EEF1AKMT1: variants seen among roughly 807,000 people sequenced by gnomAD.
EEF1AKMT1 encodes N-6 adenine-specific DNA methyltransferase 2 (putative).
Under a neutral mutation model 21.0 loss-of-function variants are expected in EEF1AKMT1, and 18 were observed. That is an observed-to-expected ratio of 0.86 (90% CI 0.59 to 1.27). The LOEUF is 1.27. EEF1AKMT1 is among the 50% of genes most tolerant of loss of function. The pLI is 0.00. For missense variants in EEF1AKMT1, 246 were observed against 258.6 expected, an observed-to-expected ratio of 0.95 and a Z score of 0.33; for synonymous variants, 109 against 94.8, an observed-to-expected ratio of 1.15 and a Z score of -0.87.
intron 2 of EEF1AKMT1, among the ~76,000 whole-genome samples, chr13:20,753,971 T>C (rs933526965): frequency 2.0e-5 from 3 of 152,190 alleles, no homozygotes; most frequent in Admixed American, 6.5e-5. Flanking sequence ...ATTCTATTAA[T>C]TTATTTCTGG....
At chr13:20,765,214 C>A (rs2059022234) in intron 1 of EEF1AKMT1, among the ~76,000 whole-genome samples, 1 of 151,804 alleles carries the variant, frequency 6.6e-6, no homozygotes, top group African/African-American at 2.4e-5. Flanking sequence ...TGAGCGAGAT[C>A]GTGCCACTGC....
intron 2 of EEF1AKMT1, among the ~76,000 whole-genome samples, chr13:20,738,862 T>C (rs2058846045): frequency 6.6e-6 from 1 of 152,120 alleles, no homozygotes; most frequent in Non-Finnish European, 1.5e-5. Context: ...AAACATATGG[T>C]TTCTTTTAGA....
chr13:20,731,280 C>A (rs1018692099), intron 4 of EEF1AKMT1, among the ~76,000 whole-genome samples: 1 of 152,206 alleles, frequency 6.6e-6, no homozygotes, highest in Non-Finnish European at 1.5e-5. Context: ...CTCAGATTTA[C>A]TCTATTGAAT....
intron 3 of EEF1AKMT1, among the ~76,000 whole-genome samples, chr13:20,732,776 T>C (rs1186011515): frequency 1.3e-5 from 2 of 152,248 alleles, no homozygotes; most frequent in Non-Finnish European, 2.9e-5. Flanking sequence ...GCCTTTGATA[T>C]TTATTTTAAA....
chr13:20,746,704 T>C (rs1371348532), intron 2 of EEF1AKMT1, among the ~76,000 whole-genome samples: 1 of 152,198 alleles, frequency 6.6e-6, no homozygotes, highest in Non-Finnish European at 1.5e-5. Context: ...TCTCCTCATA[T>C]CATTCCATAA....
At chr13:20,765,247 A>ATG (rs1595030888) in intron 1 of EEF1AKMT1, among the ~76,000 whole-genome samples, 1 of 151,556 alleles carries the variant, frequency 6.6e-6, no homozygotes, top group Non-Finnish European at 1.5e-5. Flanking sequence ...GCAACAGTGC[A>ATG]AGACTCCAAC....
intron 4 of EEF1AKMT1, among the ~76,000 whole-genome samples, chr13:20,730,432 C>A (rs2058786224): frequency 6.6e-6 from 1 of 152,190 alleles, no homozygotes; most frequent in Non-Finnish European, 1.5e-5. Context: ...GCGTCCACAA[C>A]AGCACTCAAG....
At chr13:20,752,918 T>A (rs1188255522) in intron 2 of EEF1AKMT1, among the ~76,000 whole-genome samples, 8 of 152,138 alleles carry the variant, frequency 5.3e-5, no homozygotes, top group Non-Finnish European at 1.0e-4. Context: ...CATTGAATAT[T>A]TTTTATTCTG....
At chr13:20,730,820 C>T (rs2058788918) in intron 4 of EEF1AKMT1, among the ~76,000 whole-genome samples, 1 of 152,134 alleles carries the variant, frequency 6.6e-6, no homozygotes, top group Non-Finnish European at 1.5e-5. Flanking sequence ...AAAAGCTGGC[C>T]ACCCCGCAGC....
At chr13:20,738,676 T>C (rs368970575) in intron 2 of EEF1AKMT1, among the ~76,000 whole-genome samples, 8 of 152,216 alleles carry the variant, frequency 5.3e-5, no homozygotes, top group African/African-American at 9.6e-5. Flanking sequence ...TACTGATATA[T>C]GCTACATGGA....
chr13:20,770,277 T>C (rs1168408930), intron 1 of EEF1AKMT1, among the ~76,000 whole-genome samples: 2 of 149,518 alleles, frequency 1.3e-5, no homozygotes, highest in East Asian at 3.9e-4. Context: ...AGGCAGAAAG[T>C]AGAATTGTGG....
intron 1 of EEF1AKMT1, among the ~76,000 whole-genome samples, chr13:20,759,962 G>A (rs1318768869): frequency 6.6e-6 from 1 of 151,220 alleles, no homozygotes; most frequent in Non-Finnish European, 1.5e-5. Context: ...AAAATTAGCC[G>A]GGTGTGGTGG....
intron 1 of EEF1AKMT1, among the ~76,000 whole-genome samples, chr13:20,761,277 A>C (rs560727617): frequency 6.6e-6 from 1 of 152,318 alleles, no homozygotes; most frequent in Admixed American, 6.5e-5. Flanking sequence ...ACCCCTGGAA[A>C]GCATTTGTTC....
At chr13:20,739,190 T>G (rs531147892) in intron 2 of EEF1AKMT1, among the ~76,000 whole-genome samples, 62 of 152,162 alleles carry the variant, frequency 4.1e-4, no homozygotes, top group Non-Finnish European at 1.6e-4. Flanking sequence ...TCCCAGTGGG[T>G]TGGTAACTTC....
intron 2 of EEF1AKMT1, among the ~76,000 whole-genome samples, chr13:20,752,152 C>T (rs563441755): frequency 1.3e-5 from 2 of 151,940 alleles, no homozygotes; most frequent in African/African-American, 2.4e-5. Flanking sequence ...TTTTGTTGCC[C>T]GATTGTCCTA....
At chr13:20,730,959 A>G (rs543099171) in intron 4 of EEF1AKMT1, among the ~76,000 whole-genome samples, 1 of 152,324 alleles carries the variant, frequency 6.6e-6, no homozygotes, top group African/African-American at 2.4e-5. Context: ...ACATACCGCA[A>G]GGGTCTGCCG....
At chr13:20,743,747 T>C (rs1015858757) in intron 2 of EEF1AKMT1, among the ~76,000 whole-genome samples, 1 of 151,498 alleles carries the variant, frequency 6.6e-6, no homozygotes, top group Non-Finnish European at 1.5e-5. Context: ...TAGGTATACA[T>C]ATGCCATGGT....
intron 2 of EEF1AKMT1, among the ~76,000 whole-genome samples, chr13:20,752,755 G>C (rs937768428): frequency 5.9e-5 from 9 of 152,072 alleles, no homozygotes; most frequent in African/African-American, 1.9e-4. Flanking sequence ...GTAGAATTCA[G>C]CAGTAAAGTC....
chr13:20,748,719 T>TTC (rs1458652141), intron 2 of EEF1AKMT1, among the ~76,000 whole-genome samples: 1 of 90,652 alleles, frequency 1.1e-5, no homozygotes, highest in Non-Finnish European at 2.3e-5. Flanking sequence ...ATAGTTGTTT[T>TTC]TTTTTGGTTT....
Sources: gnomAD v4.1 joint callset for allele counts (sites outside exome capture counted in the v4.1 genomes callset) on GRCh38, gnomAD v4.1.1 for gene constraint, MANE v1.5 for transcripts, NCBI Gene and HGNC (gene_info 2026-07-23, HGNC 2026-07-21) for gene names.